Variants in KIF18A observed in about 807,000 individuals in gnomAD.
KIF18A encodes the protein kinesin family member 18A, also known as kinesin-like protein KIF18A.
KIF18A carries 67 observed loss-of-function variants against 103.3 expected under a neutral mutation model. That is an observed-to-expected ratio of 0.65 (90% CI 0.53 to 0.79). The LOEUF is 0.79. Ranked by LOEUF, KIF18A falls within the 30% of genes least tolerant of loss-of-function variation. KIF18A has a pLI of 0.00. For missense variants in KIF18A, 1,032 were observed against 1,062.5 expected (o/e 0.97, Z 0.40); for synonymous variants, 367 against 355.5 (o/e 1.03, Z -0.36).
rs1191029763 is a variant in KIF18A at position 28,058,889 on chromosome 11, A to C, written c.1948+37T>G. The C allele has an allele frequency of 2.7e-6, 4 of 1,458,436 alleles. No homozygotes were observed. The South Asian group carries it at 4.6e-5, about 17-fold the overall frequency. 90.3% of individuals were successfully genotyped at this position (1,458,436 alleles called of 1,614,324 possible). ...ATATACAAAGGTTCTCTTTAGAAAT[A>C]ATGTTACTATTTACTTAAAACGAAA... is the stretch of plus-strand genomic sequence containing the variant. On this transcript the variant is annotated intron_variant, in intron 13 of 16. Coordinates refer to ENST00000263181, the MANE Select transcript of KIF18A (RefSeq NM_031217.4).
At chr11:28,073,466 G>A (rs1317570118) in intron 10 of KIF18A, among the ~76,000 whole-genome samples, 1 of 152,128 alleles carries the variant, frequency 6.6e-6, no homozygotes, top group African/African-American at 2.4e-5. Context: ...GAATATAGCA[G>A]AGTGATTAAG....
At chr11:28,069,469 T>C (rs1360168758) in intron 10 of KIF18A, 46 bp from the exon 11 acceptor site, 4 of 1,530,744 alleles carry the variant, frequency 2.6e-6, no homozygotes, top group Non-Finnish European at 3.6e-6. Flanking sequence ...TTATGATATT[T>C]GATGTACATG....
chr11:28,052,274 A>G (rs954112744), intron 13 of KIF18A, among the ~76,000 whole-genome samples: 4 of 152,056 alleles, frequency 2.6e-5, no homozygotes, highest in Admixed American at 1.3e-4. Flanking sequence ...TTCTGCTCAG[A>G]CCATGTCATG....
At chr11:28,038,342 G>A (rs866844946) in intron 13 of KIF18A, among the ~76,000 whole-genome samples, 9 of 151,642 alleles carry the variant, frequency 5.9e-5, no homozygotes, top group Middle Eastern at 3.4e-3. Flanking sequence ...ACTTCAGTGT[G>A]ATTATCTTAT....
intron 1 of KIF18A, among the ~76,000 whole-genome samples, chr11:28,105,941 T>C (rs1277964524): frequency 1.3e-5 from 2 of 152,170 alleles, no homozygotes; most frequent in African/African-American, 4.8e-5. Context: ...GTATTTCCAT[T>C]TTACAAAAAC....
chr11:28,089,796 C>CA (rs1455219538), intron 5 of KIF18A, among the ~76,000 whole-genome samples: 7 of 152,084 alleles, frequency 4.6e-5, no homozygotes, highest in Non-Finnish European at 5.9e-5. Flanking sequence ...AGGTGGCAAA[C>CA]AAAAGATGAG....
chr11:28,078,756 G>C (rs1851126539), intron 9 of KIF18A, among the ~76,000 whole-genome samples: 2 of 151,866 alleles, frequency 1.3e-5, no homozygotes. Context: ...AAATAGCTCT[G>C]ATAGACAGAA....
intron 6 of KIF18A, among the ~76,000 whole-genome samples, chr11:28,088,204 T>A (rs1415193456): frequency 1.3e-5 from 2 of 152,154 alleles, no homozygotes; most frequent in Non-Finnish European, 2.9e-5. Context: ...TTAATTAACA[T>A]GTTTGCTGTG....
chr11:28,092,110 C>T (rs1278658780), intron 3 of KIF18A, among the ~76,000 whole-genome samples: 2 of 152,142 alleles, frequency 1.3e-5, no homozygotes, highest in African/African-American at 2.4e-5. Flanking sequence ...CCACCGCGCC[C>T]GGCCCATTTT....
Position 28,077,042 on chromosome 11 carries a change from T to C in KIF18A, c.1390A>G (p.Ile464Val), listed in dbSNP as rs775878595. The C allele has an allele frequency of 1.9e-6, 3 of 1,564,038 alleles. No individual in the cohort carries two copies. The Admixed American group carries it at 6.0e-5, about 31-fold the overall frequency. The change falls in exon 10 of 17, where the codon ATA becomes GTA. Residue 464 changes from isoleucine to valine, a missense_variant. Ile to Val is a conservative substitution (Grantham distance 29). Transcript: ENST00000263181. Reference protein sequence around the residue: ...SFYQQQCHKQIEMMCSEDKVE... With the variant: ...SFYQQQCHKQVEMMCSEDKVE... ...TTGTCTTCAGAACACATCATTTCTA[T>C]TTGTTTATGGCACTGTTGTTGGTAG... is the stretch of plus-strand genomic sequence containing the variant.
chr11:28,081,949 G>A (rs578101620), intron 9 of KIF18A, among the ~76,000 whole-genome samples: 1 of 152,214 alleles, frequency 6.6e-6, no homozygotes, highest in East Asian at 1.9e-4. Flanking sequence ...GGATAACTAT[G>A]AGGGGTTCAA....
rs1194909431 is a variant in KIF18A, at chr11:28,029,643, C to T, written c.2504+5744G>A. Among the ~76,000 whole-genome samples the T allele has an allele frequency of 2.6e-5, 4 of 152,182 alleles. No individual in the cohort carries two copies. In the East Asian group the frequency reaches 7.7e-4, roughly 29 times the overall value. On this transcript the variant is annotated intron_variant, in intron 15 of 16. Coordinates refer to ENST00000263181, the MANE Select transcript of KIF18A (RefSeq NM_031217.4). ...ACAAGACAGGGATGCCCTCTCTCAC[C>T]ACTCCTACTCAATATAGTGTGGGAA... is the stretch of plus-strand genomic sequence containing the variant.
chr11:28,103,981 T>C (rs1851475388), intron 1 of KIF18A, among the ~76,000 whole-genome samples: 1 of 152,196 alleles, frequency 6.6e-6, no homozygotes, highest in Non-Finnish European at 1.5e-5. Context: ...AAGATTCATT[T>C]ATGTAGAACA....
At chr11:28,037,682 T>A (rs1481137213) in intron 13 of KIF18A, among the ~76,000 whole-genome samples, 1 of 151,568 alleles carries the variant, frequency 6.6e-6, no homozygotes, top group Admixed American at 6.6e-5. Flanking sequence ...CAAGATTTAA[T>A]ACTAAAGATA....
intron 6 of KIF18A, among the ~76,000 whole-genome samples, chr11:28,085,810 A>G (rs1851220469): frequency 6.6e-6 from 1 of 152,116 alleles, no homozygotes; most frequent in Non-Finnish European, 1.5e-5. Flanking sequence ...GTCTCCGCAC[A>G]CGGGGAGGAC....
In KIF18A at chr11:28,023,775, A is replaced by G. The variant is rs1435893961; in HGVS notation, c.2580T>C (p.Ser860=). Residue 860 remains serine, a synonymous_variant, in exon 16 of 17, where the codon AGT becomes AGC. Transcript: ENST00000263181. ...GTTTGTTTTCTTGTAAGTGCTTCTC[A>G]CTTGAATTATCTTGTCGAACACGTT... ...FAKRVRQDNS[S]EKHLQENKPT... is the part of the protein sequence containing the mutation. 1.6e-5 allele frequency: 25 copies of G among 1,612,528 alleles called. No individual in the cohort carries two copies. The highest frequency in any genetic ancestry group is 2.1e-5 in the Non-Finnish European group (25 of 1,178,766).
chr11:28,073,698 T>C (rs1851052218), intron 10 of KIF18A, among the ~76,000 whole-genome samples: 3 of 152,124 alleles, frequency 2.0e-5, no homozygotes, highest in Admixed American at 2.0e-4. Flanking sequence ...ATATCAGCTG[T>C]TTTTATTATT....
rs538647714 is a variant in KIF18A at position 28,101,491 on chromosome 11, G to A, written c.-46-3498C>T. On this transcript the variant is annotated intron_variant, in intron 1 of 16. Transcript: ENST00000263181. ...TACATGTTGGAGCCAGGCAGCCTAG[G>A]TTAAAATCTCAGCTCTATGACGTAC... Among the ~76,000 whole-genome samples, 7 of 152,178 alleles carry A rather than the reference G, an allele frequency of 4.6e-5. No individual in the cohort carries two copies. In the South Asian group the frequency reaches 1.5e-3, roughly 32 times the overall value.
At chr11:28,072,572 T>C (rs1851033916) in intron 10 of KIF18A, among the ~76,000 whole-genome samples, 1 of 152,188 alleles carries the variant, frequency 6.6e-6, no homozygotes, top group Non-Finnish European at 1.5e-5. Context: ...TCTAGATGTC[T>C]TCCTATGTTT....
Sources: allele counts gnomAD v4.1 joint callset (sites outside exome capture counted in the v4.1 genomes callset), GRCh38; gene constraint gnomAD v4.1.1; transcripts MANE v1.5; gene names NCBI Gene and HGNC (gene_info 2026-07-23, HGNC 2026-07-21).